UBR4: variants seen among roughly 807,000 people sequenced by gnomAD.
The protein encoded by UBR4 is E3 ubiquitin-protein ligase UBR4.
UBR4 carries 124 observed loss-of-function variants against 575.6 expected under a neutral mutation model. The ratio of observed to expected loss-of-function variants is 0.22; its 90% CI spans 0.19 to 0.25. The LOEUF (loss-of-function observed/expected upper bound fraction) is 0.25. UBR4 is among the 10% of genes least tolerant of loss of function. The pLI is 1.00. For synonymous variants in UBR4, 2,455 were observed against 2,473.7 expected, an observed-to-expected ratio of 0.99 and a Z score of 0.22; for missense variants, 4,818 against 6,478.8, an observed-to-expected ratio of 0.74 and a Z score of 8.80.
At chr1:19,123,173 C>T (rs572082883) in intron 65 of UBR4, 113 bp from the exon 66 acceptor site, 252 of 1,168,398 alleles carry the variant, frequency 2.2e-4, no homozygotes, top group Middle Eastern at 5.9e-4. Context: ...GGGGACAGGC[C>T]GGGCACGGTG....
At chr1:19,097,513 A>G (rs1461670996) in intron 90 of UBR4, among the ~76,000 whole-genome samples, 1 of 152,228 alleles carries the variant, frequency 6.6e-6, no homozygotes, top group African/African-American at 2.4e-5. Flanking sequence ...TTTTAAAGAC[A>G]CTATCTCCTT....
At chr1:19,179,805 C>CACACAA (rs1299025268) in intron 17 of UBR4, among the ~76,000 whole-genome samples, 8 of 151,314 alleles carry the variant, frequency 5.3e-5, no homozygotes, top group Admixed American at 1.3e-4. Context: ...TCTTCTCAAA[C>CACACAA]ACACACACAC....
At chr1:19,181,806 C>A (rs2090992182) in intron 17 of UBR4, among the ~76,000 whole-genome samples, 1 of 152,176 alleles carries the variant, frequency 6.6e-6, no homozygotes, top group Non-Finnish European at 1.5e-5. Context: ...TAAAGTATCA[C>A]AACATAAAAT....
chr1:19,168,579 G>A (rs936299634), intron 27 of UBR4, among the ~76,000 whole-genome samples: 3 of 152,134 alleles, frequency 2.0e-5, no homozygotes, highest in Non-Finnish European at 2.9e-5. Flanking sequence ...GGGATAACAA[G>A]ACTATAATAT....
chr1:19,178,183 T>C (rs1288093053), intron 18 of UBR4, among the ~76,000 whole-genome samples: 1 of 152,202 alleles, frequency 6.6e-6, no homozygotes, highest in Admixed American at 6.5e-5. Flanking sequence ...TTTGAGAGTT[T>C]ATACTACAGG....
intron 64 of UBR4, 51 bp from the exon 65 acceptor site, chr1:19,124,741 C>A: frequency 6.3e-7 from 1 of 1,589,388 alleles, no homozygotes; most frequent in Admixed American, 1.8e-5. Flanking sequence ...TTTTCCATGA[C>A]CACAATTAGG....
chr1:19,201,822 A>T lies in UBR4; in HGVS notation c.177-7T>A. On this transcript the variant is annotated splice_polypyrimidine_tract_variant and splice_region_variant and intron_variant, in intron 1 of 105. Coordinates refer to ENST00000375254, the MANE Select transcript of UBR4 (RefSeq NM_020765.3). ...GTGCAGGATTTCTGATTCACTGTAA[A>T]AATAATAATAATTCAGCCAGCATCT... The T allele has an allele frequency of 6.2e-7, 1 of 1,612,914 alleles. No homozygotes were observed. Among genetic ancestry groups the T allele is most frequent in the Non-Finnish European group, 8.5e-7 (1 of 1,179,094 alleles).
intron 32 of UBR4, among the ~76,000 whole-genome samples, 162 bp downstream of exon 32, chr1:19,164,637 G>A (rs749432528): frequency 7.2e-5 from 11 of 152,154 alleles, no homozygotes; most frequent in Middle Eastern, 6.8e-3. Context: ...TTTTTCCATG[G>A]GAAAAAAATC....
chr1:19,203,073 C>T (rs2092824935), intron 1 of UBR4, among the ~76,000 whole-genome samples: 1 of 149,838 alleles, frequency 6.7e-6, no homozygotes, highest in East Asian at 2.0e-4. Context: ...AGCGAGACTC[C>T]GTCTCAGAGA....
chr1:19,118,266 A>AT (rs948536822), intron 71 of UBR4: 3 of 180,318 alleles, frequency 1.7e-5, no homozygotes, highest in Non-Finnish European at 2.3e-5. Context: ...GTTTTTTTAA[A>AT]TTTTTTTTAA....
At position 19,197,055 on chromosome 1, in the gene UBR4, A is replaced by G. The variant is rs527451914; in HGVS notation, c.1018+86T>C. 16 of 1,494,772 alleles carry G rather than the reference A, an allele frequency of 1.1e-5. 1 individual carries two copies. In the South Asian group the frequency reaches 1.3e-4, roughly 12 times the overall value. 92.6% of individuals were successfully genotyped at this position (1,494,772 alleles called of 1,614,324 possible). On this transcript the variant is annotated intron_variant, in intron 8 of 105. Coordinates refer to ENST00000375254, the MANE Select transcript of UBR4 (RefSeq NM_020765.3). ...AGAGAAGGAAGCAAGGGGGATGAGT[A>G]GAGTATTCAGGAGGATTTTCATGGT... is the stretch of plus-strand genomic sequence containing the variant.
rs566279918 is a variant in UBR4, at chr1:19,206,875, G to A, written c.176+3198C>T. ...AGAAACAGGGGTTAGACCTAGGAAC[G>A]TTTAATCTACCTTTTCTTCAAAAGG... is the stretch of plus-strand genomic sequence containing the variant. On this transcript the variant is annotated intron_variant, in intron 1 of 105. Coordinates refer to ENST00000375254, the MANE Select transcript of UBR4 (RefSeq NM_020765.3). 1.0e-3 allele frequency among the ~76,000 whole-genome samples: 152 copies of A among 152,286 alleles called. 2 individuals are homozygous for A. The highest frequency in any genetic ancestry group is 1.5e-3 in the Non-Finnish European group (104 of 68,034).
intron 60 of UBR4, among the ~76,000 whole-genome samples, chr1:19,131,430 T>C (rs961785153): frequency 6.6e-6 from 1 of 152,124 alleles, no homozygotes; most frequent in African/African-American, 2.4e-5. Flanking sequence ...AACTTATTCA[T>C]GAAAAAAGGT....
intron 66 of UBR4, 131 bp from the exon 67 acceptor site, chr1:19,122,143 TG>T: frequency 1.1e-6 from 1 of 875,966 alleles, no homozygotes; most frequent in Non-Finnish European, 1.8e-6. Flanking sequence ...GCAAGGCAGA[TG>T]CTTGCTGAGA....
In UBR4 at chr1:19,106,702, G is replaced by A. The variant is rs1570548876; in HGVS notation, c.12260C>T (p.Pro4087Leu). ...IRGIDGNGKA[P>L]SKSELRHLYL... Reference sequence around the variant, plus strand: ...GAGATGGCGGAGCTCTGATTTGCTGGGGGCTTTCCCATTGCCATCTATCCC... The same window carrying A: ...GAGATGGCGGAGCTCTGATTTGCTGAGGGCTTTCCCATTGCCATCTATCCC... Residue 4087 changes from proline (P) to leucine (L), a missense_variant, in exon 83 of 106, where the codon CCC (proline) becomes CTC (leucine). Coordinates refer to ENST00000375254, the MANE Select transcript of UBR4 (RefSeq NM_020765.3). 3 of 1,602,872 alleles carry A rather than the reference G, an allele frequency of 1.9e-6. No individual in the cohort carries two copies. Among genetic ancestry groups the A allele is most frequent in the African/African-American group, 2.7e-5 (2 of 74,692 alleles).
intron 64 of UBR4, 134 bp downstream of exon 64, chr1:19,126,312 A>T: frequency 1.0e-6 from 1 of 1,000,206 alleles, no homozygotes; most frequent in Non-Finnish European, 1.5e-6. Context: ...CGCCGAGATT[A>T]ACCCCCACCA....
rs1231959322 is a variant in UBR4, at chr1:19,197,811, C to T, written c.752G>A (p.Gly251Asp). 2 of 1,613,896 alleles carry T rather than the reference C, an allele frequency of 1.2e-6. No homozygotes were observed. The highest frequency in any genetic ancestry group is 8.5e-7 in the Non-Finnish European group (1 of 1,179,990). Reference protein sequence around the residue: ...AQNVASLQELGGSEKLLRVCL... With the variant: ...AQNVASLQELDGSEKLLRVCL... ...TACACGCAGTAGCTTCTCCGAGCCA[C>T]CTAAATGAATGAAAACCACAACCTT... is the stretch of plus-strand genomic sequence containing the variant. The change falls in exon 7 of 106, where the codon GGT becomes GAT. Residue 251 changes from glycine (G) to aspartate (D), a missense_variant and splice_region_variant. By Grantham distance (94) the Gly-to-Asp change is moderately conservative (BLOSUM62 -1). Coordinates refer to ENST00000375254, the MANE Select transcript of UBR4 (RefSeq NM_020765.3).
At chr1:19,127,593 C>G in intron 63 of UBR4, 30 bp downstream of exon 63, 1 of 1,586,196 alleles carries the variant, frequency 6.3e-7, no homozygotes, top group Non-Finnish European at 8.7e-7. Flanking sequence ...CTTACCTTTC[C>G]CCAAACCCAT....
At chr1:19,087,751 G>C in intron 99 of UBR4, 65 bp downstream of exon 99, 1 of 1,337,182 alleles carries the variant, frequency 7.5e-7, no homozygotes, top group Non-Finnish European at 1.1e-6. Flanking sequence ...GGAGGAGGGG[G>C]ATGCTACCTA....
Sources: gnomAD v4.1 joint callset for allele counts (sites outside exome capture counted in the v4.1 genomes callset) on GRCh38, gnomAD v4.1.1 for gene constraint, MANE v1.5 for transcripts, NCBI Gene and HGNC (gene_info 2026-07-23, HGNC 2026-07-21) for gene names.